The following USP36 variants were observed in gnomAD, a reference collection of about 807,000 sequenced individuals.
USP36 encodes ubiquitin specific peptidase 36, also known as ubiquitin carboxyl-terminal hydrolase 36.
A neutral mutation model predicts 111.5 loss-of-function variants in USP36; 59 were observed. That is an observed-to-expected ratio of 0.53 (90% CI 0.43 to 0.66). The LOEUF is 0.66. USP36 is among the 30% of genes least tolerant of loss of function. USP36 has a pLI of 0.00. For missense variants in USP36, 1,488 were observed against 1,468.0 expected (o/e 1.01, Z -0.22); for synonymous variants, 628 against 581.0 (o/e 1.08, Z -1.16).
At chr17:78,811,117 C>G (rs1400683797) in intron 13 of USP36, among the ~76,000 whole-genome samples, 1 of 122,630 alleles carries the variant, frequency 8.2e-6, no homozygotes, top group African/African-American at 3.2e-5. Flanking sequence ...AGTGACAGAG[C>G]GAGACTCTGT....
At chr17:78,839,833 C>T (rs1022844693) in intron 1 of USP36, among the ~76,000 whole-genome samples, 5 of 152,226 alleles carry the variant, frequency 3.3e-5, no homozygotes, top group Non-Finnish European at 7.3e-5. Flanking sequence ...CCACACTCTA[C>T]CCAACTCAGG....
intron 13 of USP36, among the ~76,000 whole-genome samples, chr17:78,809,726 T>C (rs915943374): frequency 6.6e-6 from 1 of 151,944 alleles, no homozygotes; most frequent in African/African-American, 2.4e-5. Context: ...TGTGTTTAAG[T>C]GATCCTCCTG....
intron 10 of USP36, among the ~76,000 whole-genome samples, chr17:78,815,194 T>C (rs533931765): frequency 6.6e-6 from 1 of 151,132 alleles, no homozygotes; most frequent in South Asian, 2.1e-4. Flanking sequence ...TAGCCAGGCG[T>C]GGTGGCACGT....
intron 13 of USP36, among the ~76,000 whole-genome samples, chr17:78,808,172 G>A (rs1207357171): frequency 6.6e-6 from 1 of 152,118 alleles, no homozygotes; most frequent in Non-Finnish European, 1.5e-5. Context: ...CTTCCAAATG[G>A]TTCTGGCCTG....
chr17:78,794,057 C>T (rs1363334068), downstream of USP36, among the ~76,000 whole-genome samples: 1 of 152,230 alleles, frequency 6.6e-6, no homozygotes, highest in Non-Finnish European at 1.5e-5. Flanking sequence ...TCATCTTAAA[C>T]TCCACCCAGA....
chr17:78,829,929 CAG>C (rs1045364215), intron 4 of USP36, among the ~76,000 whole-genome samples: 4 of 152,124 alleles, frequency 2.6e-5, no homozygotes, highest in Non-Finnish European at 5.9e-5. Flanking sequence ...TTAGTAGAGA[CAG>C]AGTTTCACCA....
chr17:78,806,939 C>A lies in USP36; in HGVS notation c.2085+20G>T. 2 of 1,610,696 alleles carry A rather than the reference C, an allele frequency of 1.2e-6. No homozygotes were observed. The highest frequency in any genetic ancestry group is 1.7e-6 in the Non-Finnish European group (2 of 1,177,860). ...GAGCTCTCCTGATACACAGCAGCGG[C>A]GAGACCCCCACACACCCACCTTCTT... is the stretch of plus-strand genomic sequence containing the variant. On this transcript the variant is annotated intron_variant, in intron 14 of 20. Transcript: ENST00000449938.
intron 1 of USP36, among the ~76,000 whole-genome samples, chr17:78,840,051 C>A (rs756719722): frequency 5.3e-5 from 8 of 152,248 alleles, no homozygotes; most frequent in Non-Finnish European, 1.2e-4. Context: ...GGGCCCAGCG[C>A]CGCGCTCCAG....
At position 78,798,928 on chromosome 17, in the gene USP36, C is replaced by CGTCCCAGTCATCAACCACG; in HGVS notation, c.3201_3219dup (p.Glu1074ArgfsTer3). 1 of 1,614,132 alleles carries CGTCCCAGTCATCAACCACG rather than the reference C, an allele frequency of 6.2e-7. No individual in the cohort carries two copies. Among genetic ancestry groups the CGTCCCAGTCATCAACCACG allele is most frequent in the South Asian group, 1.1e-5 (1 of 91,080 alleles). On this transcript the variant is annotated stop_gained and frameshift_variant, in exon 19 of 21. Transcript: ENST00000449938. LOFTEE classifies it high-confidence loss of function. This position sits in a 1 kb window ranked among gnomAD's most constrained non-coding sequence, Gnocchi z 5.1. ...CATACCTTCCCTCGGTCAAACTCTT[C>CGTCCCAGTCATCAACCACG]GTCCCAGTCATCAACCACGGTCTCA...
chr17:78,807,525 G>A lies in USP36; in HGVS notation c.1519C>T (p.Pro507Ser). The stretch of plus-strand genomic sequence containing the variant: ...GAAGGGGACCCCGAGGGCAGCTTTG[G>A]AGGAATGCAGCCGTTCTGGGACTTC... ...GLKSQNGCIP[P>S]KLPSGSPSPK... Residue 507 changes from proline to serine, a missense_variant, in exon 14 of 21, where the codon CCA (proline) becomes TCA (serine). By Grantham distance (74) the Pro-to-Ser change is moderately conservative (BLOSUM62 -1). Coordinates refer to ENST00000449938, the MANE Select transcript of USP36 (RefSeq NM_001385174.1). 1.2e-6 allele frequency: 2 copies of A among 1,613,782 alleles called. No homozygotes were observed. Among genetic ancestry groups the A allele is most frequent in the Non-Finnish European group, 1.7e-6 (2 of 1,179,818 alleles).
chr17:78,794,606 A>G (rs1292045827), downstream of USP36, among the ~76,000 whole-genome samples: 3 of 152,100 alleles, frequency 2.0e-5, no homozygotes, highest in Non-Finnish European at 4.4e-5. Flanking sequence ...AAGTGGCCCT[A>G]GTGTTTGGGA....
chr17:78,789,355 C>A (rs1446468938), intron 3 of USP36, among the ~76,000 whole-genome samples: 1 of 151,996 alleles, frequency 6.6e-6, no homozygotes, highest in Non-Finnish European at 1.5e-5. Flanking sequence ...CTGACCCCTC[C>A]CACCCAGAAG....
intron 4 of USP36, among the ~76,000 whole-genome samples, chr17:78,831,186 A>C (rs550226560): frequency 3.2e-5 from 4 of 123,410 alleles, no homozygotes; most frequent in African/African-American, 1.2e-4. Flanking sequence ...AGATCACACC[A>C]CTGCACTCCG....
chr17:78,793,012 G>A (rs570662477), downstream of USP36, among the ~76,000 whole-genome samples: 6 of 150,814 alleles, frequency 4.0e-5, no homozygotes, highest in East Asian at 3.9e-4. Flanking sequence ...CACCGCGCCC[G>A]CCCCCCTCAC....
intron 10 of USP36, among the ~76,000 whole-genome samples, chr17:78,818,331 C>T (rs1271912621): frequency 1.3e-5 from 2 of 152,144 alleles, no homozygotes; most frequent in Non-Finnish European, 2.9e-5. Context: ...GGCCCTGGAA[C>T]TTGACTGTGT....
At position 78,815,884 on chromosome 17, in the gene USP36, T is replaced by C. The variant is rs1039555890; in HGVS notation, c.1024-1332A>G. On this transcript the variant is annotated intron_variant, in intron 10 of 20. Coordinates refer to ENST00000449938, the MANE Select transcript of USP36 (RefSeq NM_001385174.1). ...ATACACATGTACGCATATACATACA[T>C]GCACAACACATACATGCACGCACAC... Among the ~76,000 whole-genome samples the C allele has an allele frequency of 3.9e-5, 6 of 152,040 alleles. No homozygotes were observed. The South Asian group carries it at 8.3e-4, about 21-fold the overall frequency.
rs2093799208 is a variant in USP36 at position 78,803,181 on chromosome 17, C to T, written c.2810+204G>A. ...CAAACTCCTGGGTTGAAGTGATCCA[C>T]CCGCCTCAGCCTCCCAAAGTGCTAG... On this transcript the variant is annotated intron_variant, in intron 16 of 20. Coordinates refer to ENST00000449938, the MANE Select transcript of USP36 (RefSeq NM_001385174.1). The surrounding 1 kb of genome is among the most constrained non-coding windows in gnomAD (Gnocchi z 4.6). Among the ~76,000 whole-genome samples, 1 of 152,106 alleles carries T rather than the reference C, an allele frequency of 6.6e-6. No individual in the cohort carries two copies. The highest frequency in any genetic ancestry group is 1.5e-5 in the Non-Finnish European group (1 of 68,016).
rs1468749632 is a variant in USP36 at position 78,798,519 on chromosome 17, C to G, written c.3273G>C (p.Lys1091Asn). 1 of 1,613,998 alleles carries G rather than the reference C, an allele frequency of 6.2e-7. No homozygotes were observed. The highest frequency in any genetic ancestry group is 8.5e-7 in the Non-Finnish European group (1 of 1,180,040). ...TCTGGAAGGCGTTGAAGTTTCTCCT[C>G]TTCTCTCTCTTAAATTTTTTAATTT... is the stretch of plus-strand genomic sequence containing the variant. ...EKKIKKFKRE[K>N]RRNFNAFQKL... The change falls in exon 20 of 21, where the codon AAG (lysine) becomes AAC (asparagine). Residue 1091 changes from lysine to asparagine, a missense_variant. Physicochemically the swap from Lys to Asn is moderately conservative, Grantham distance 94. Transcript: ENST00000449938. This position sits in a 1 kb window ranked among gnomAD's most constrained non-coding sequence, Gnocchi z 5.1.
chr17:78,790,098 T>TC (rs942331766), intron 3 of USP36, among the ~76,000 whole-genome samples: 7 of 152,150 alleles, frequency 4.6e-5, no homozygotes, highest in African/African-American at 1.4e-4. Flanking sequence ...ATACCTTTTT[T>TC]TTTTTTTTGA....
Sources: allele counts gnomAD v4.1 joint callset (sites outside exome capture counted in the v4.1 genomes callset), GRCh38; gene constraint gnomAD v4.1.1; non-coding constraint Gnocchi (gnomAD v3.1); transcripts MANE v1.5; gene names NCBI Gene and HGNC (gene_info 2026-07-23, HGNC 2026-07-21).